FUBP1: variants seen among roughly 807,000 people sequenced by gnomAD.
FUBP1 encodes far upstream element-binding protein 1.
In FUBP1, 16 loss-of-function variants were observed where a neutral mutation model predicts 94.9. The observed-to-expected ratio is 0.17, with a 90% confidence interval of 0.11 to 0.26. The LOEUF is 0.26. Ranked by LOEUF, FUBP1 falls within the 10% of genes least tolerant of loss-of-function variation. FUBP1 has a pLI of 1.00. For synonymous variants in FUBP1, 279 were observed against 254.9 expected (o/e 1.09, Z -0.90); for missense variants, 583 against 808.6 (o/e 0.72, Z 3.38).
intron 16 of FUBP1, among the ~76,000 whole-genome samples, 157 bp from the exon 17 acceptor site, chr1:77,956,857 A>G (rs1010397206): frequency 5.9e-5 from 9 of 151,978 alleles, no homozygotes; most frequent in African/African-American, 2.2e-4. Context: ...ATTTTCTATT[A>G]TTTTTGTTGT....
chr1:77,949,201 G>C lies in FUBP1; in HGVS notation c.1880C>G (p.Ala627Gly). ...TGGCATTCCCTGGGGACTTGTCTGG[G>C]CATAATAGGCTGCTTGTTGTCTATA... ...EYYRQQAAYY[A>G]QTSPQGMPQH... The change falls in exon 19 of 20, where the codon GCC (alanine) becomes GGC (glycine). Residue 627 changes from alanine to glycine, a missense_variant. Coordinates refer to ENST00000370768, the MANE Select transcript of FUBP1 (RefSeq NM_003902.5). 1 of 1,613,210 alleles carries C rather than the reference G, an allele frequency of 6.2e-7. No individual in the cohort carries two copies. The highest frequency in any genetic ancestry group is 1.1e-5 in the South Asian group (1 of 91,070).
At chr1:77,965,558 T>A (rs973798614) in intron 7 of FUBP1, among the ~76,000 whole-genome samples, 2 of 152,248 alleles carry the variant, frequency 1.3e-5, no homozygotes, top group Non-Finnish European at 2.9e-5. Context: ...TTTACATTTT[T>A]AAACTACCAT....
At position 77,948,905 on chromosome 1, in the gene FUBP1, T is replaced by C. The variant is rs750441827; in HGVS notation, c.1927-131A>G. The C allele has an allele frequency of 1.0e-5, 13 of 1,271,442 alleles. No individual in the cohort carries two copies. The Admixed American group carries it at 1.9e-4, about 19-fold the overall frequency. The allele number at this position is 1,271,442 out of a possible 1,614,324, so 78.8% of individuals were successfully genotyped here. A position where few individuals can be genotyped will look rare whatever the true frequency, so the allele number is the denominator to read the frequency against. On this transcript the variant is annotated intron_variant, in intron 19 of 19. Coordinates refer to ENST00000370768, the MANE Select transcript of FUBP1 (RefSeq NM_003902.5). ...AAATGGTGGTGGCTTCTTGCATGAT[T>C]TGCAAATCCCTGGGGGAAGAAAATT... is the stretch of plus-strand genomic sequence containing the variant.
At chr1:77,963,000 G>T (rs1314679567) in intron 13 of FUBP1, 70 bp from the exon 14 acceptor site, 5 of 1,016,090 alleles carry the variant, frequency 4.9e-6, no homozygotes, top group Admixed American at 2.3e-5. Context: ...GAAGAAAATG[G>T]TCACAATTAA....
In FUBP1 at chr1:77,948,298, A is replaced by G. The variant is rs151247555; in HGVS notation, c.*468T>C. ...AAACATGCCAGTGTTTAAAAACTCA[A>G]TATTTCATGGGGAAAGCTTATATAT... On this transcript the variant is annotated 3_prime_UTR_variant, in exon 20 of 20. Coordinates refer to ENST00000370768, the MANE Select transcript of FUBP1 (RefSeq NM_003902.5). The G allele has an allele frequency of 2.3e-5, 24 of 1,049,304 alleles. No individual in the cohort carries two copies. Among genetic ancestry groups the G allele is most frequent in the South Asian group, 1.8e-4 (4 of 21,726 alleles). The allele number at this position is 1,049,304 out of a possible 1,614,324, so 65.0% of individuals were successfully genotyped here.
At chr1:77,966,776 C>A (rs377491272) in intron 6 of FUBP1, 25 bp from the exon 7 acceptor site, 3 of 1,474,446 alleles carry the variant, frequency 2.0e-6, no homozygotes, top group East Asian at 4.5e-5. Flanking sequence ...AAACAGATAA[C>A]TTCAGGTCAA....
intron 1 of FUBP1, among the ~76,000 whole-genome samples, chr1:77,973,442 CACCTTGT>C (rs1280825075): frequency 6.6e-6 from 1 of 152,060 alleles, no homozygotes; most frequent in Non-Finnish European, 1.5e-5. Flanking sequence ...GACAGGGTTT[CACCTTGT>C]TGGCCAGGCT....
rs1211642941 is a variant in FUBP1, at chr1:77,964,704, C to A, written c.779G>T (p.Gly260Val). ...MVLELIRDQGGFREVRNEYGS... is the reference protein window; with the variant it reads ...MVLELIRDQGVFREVRNEYGS... ...ATACTCATTCCGAACTTCTCTGAAA[C>A]CGCCTTGATCACGAATTAACTCTAA... Residue 260 changes from glycine (G) to valine (V), a missense_variant, in exon 10 of 20, where the codon GGT (glycine) becomes GTT (valine). Transcript: ENST00000370768. 1 of 1,613,324 alleles carries A rather than the reference C, an allele frequency of 6.2e-7. No homozygotes were observed.
chr1:77,944,818 A>T lies in FUBP1; in HGVS notation c.*3948T>A, dbSNP rs1020933488. ...CAATGTTTATAAACAACTAGTATCA[A>T]ATTACTAGTTTTAGTATTAAAACCA... On this transcript the variant is annotated 3_prime_UTR_variant, in exon 20 of 20. Coordinates refer to ENST00000370768, the MANE Select transcript of FUBP1 (RefSeq NM_003902.5). 3.3e-5 allele frequency among the ~76,000 whole-genome samples: 5 copies of T among 152,020 alleles called. No homozygotes were observed. The highest frequency in any genetic ancestry group is 1.2e-4 in the African/African-American group (5 of 41,452).
At chr1:77,953,799 AAG>A (rs1653949258) in intron 18 of FUBP1, among the ~76,000 whole-genome samples, 1 of 152,192 alleles carries the variant, frequency 6.6e-6, no homozygotes, top group East Asian at 1.9e-4. Flanking sequence ...TAAAACAAAA[AAG>A]ACTAAACAGT....
Position 77,964,091 on chromosome 1 carries a change from T to C in FUBP1, c.1012A>G (p.Ile338Val). 6.3e-7 allele frequency: 1 copy of C among 1,599,046 alleles called. No individual in the cohort carries two copies. Among genetic ancestry groups the C allele is most frequent in the Non-Finnish European group, 8.6e-7 (1 of 1,166,312 alleles). Reference sequence around the variant, plus strand: ...ACACTTCGAAGAAGGTCTGTAATAATTTCTGCAGCATGTTGACATCGGTCT... The same window carrying C: ...ACACTTCGAAGAAGGTCTGTAATAACTTCTGCAGCATGTTGACATCGGTCT... ...PPDRCQHAAE[I>V]ITDLLRSVQA... is the part of the protein sequence containing the mutation. Residue 338 changes from isoleucine (I) to valine (V), a missense_variant, in exon 12 of 20, where the codon ATT becomes GTT. Physicochemically the swap from Ile to Val is conservative, Grantham distance 29. Coordinates refer to ENST00000370768, the MANE Select transcript of FUBP1 (RefSeq NM_003902.5).
chr1:77,975,075 ATT>A (rs890019726), intron 1 of FUBP1, among the ~76,000 whole-genome samples: 1 of 152,222 alleles, frequency 6.6e-6, no homozygotes, highest in African/African-American at 2.4e-5. Context: ...TTTTATTCAT[ATT>A]ACTTGTATTG....
At chr1:77,957,476 G>A (rs1654675082) in intron 16 of FUBP1, among the ~76,000 whole-genome samples, 1 of 152,158 alleles carries the variant, frequency 6.6e-6, no homozygotes, top group South Asian at 2.1e-4. Context: ...ACACTTGACT[G>A]ACCCTCACTC....
intron 18 of FUBP1, among the ~76,000 whole-genome samples, chr1:77,953,382 T>C (rs565436394): frequency 1.3e-5 from 2 of 152,166 alleles, no homozygotes; most frequent in East Asian, 3.9e-4. Flanking sequence ...TCCCAGCTAC[T>C]TGGGAGTATG....
At chr1:77,963,436 G>C (rs1204022096) in intron 13 of FUBP1, 138 bp downstream of exon 13, 2 of 533,386 alleles carry the variant, frequency 3.7e-6, no homozygotes, top group Non-Finnish European at 6.7e-6. Flanking sequence ...TGTTTTACTT[G>C]TTACATATTA....
At chr1:77,955,389 C>G in intron 17 of FUBP1, 60 bp from the exon 18 acceptor site, 1 of 1,005,754 alleles carries the variant, frequency 9.9e-7, no homozygotes, top group Middle Eastern at 2.0e-4. Context: ...CAATTTTGGC[C>G]GTTTCCTTGG....
chr1:77,949,369 C>T (rs1652895860), intron 18 of FUBP1, 69 bp from the exon 19 acceptor site: 2 of 1,239,010 alleles, frequency 1.6e-6, no homozygotes, highest in Admixed American at 3.8e-5. Context: ...CTAATAAAAA[C>T]AATACCTTGC....
intron 1 of FUBP1, among the ~76,000 whole-genome samples, chr1:77,978,314 A>C (rs1481371906): frequency 6.6e-6 from 1 of 152,212 alleles, no homozygotes; most frequent in African/African-American, 2.4e-5. Context: ...ATTTTGAGAA[A>C]TAAGGGGGGC....
Position 77,948,110 on chromosome 1 carries a change from T to C in FUBP1, c.*656A>G. On this transcript the variant is annotated 3_prime_UTR_variant, in exon 20 of 20. Transcript: ENST00000370768. ...GGTCATGTATAAAAGGAAATTTCAC[T>C]GTTAATGCAATGGAAGTATGCCAAA... 9.6e-7 allele frequency: 1 copy of C among 1,036,664 alleles called. No individual in the cohort carries two copies. The highest frequency in any genetic ancestry group is 4.6e-5 in the South Asian group (1 of 21,846). The allele number at this position is 1,036,664 out of a possible 1,614,324, so 64.2% of individuals were successfully genotyped here.
Sources: allele counts gnomAD v4.1 joint callset (sites outside exome capture counted in the v4.1 genomes callset), GRCh38; gene constraint gnomAD v4.1.1; transcripts MANE v1.5; gene names NCBI Gene and HGNC (gene_info 2026-07-23, HGNC 2026-07-21).